ARMC7: variants seen among roughly 807,000 people sequenced by gnomAD.
ARMC7 encodes armadillo repeat-containing protein 7.
A neutral mutation model predicts 14.8 loss-of-function variants in ARMC7; 9 were observed. That is an observed-to-expected ratio of 0.61 (90% CI 0.37 to 1.06). ARMC7 has a LOEUF of 1.06. ARMC7 is among the 50% of genes least tolerant of loss of function. ARMC7 has a pLI of 0.01. For missense variants in ARMC7, 262 were observed against 267.1 expected (o/e 0.98, Z 0.13); for synonymous variants, 125 against 123.4 (o/e 1.01, Z -0.09).
rs571732714 is a variant in ARMC7, at chr17:75,117,790, C to T, written c.235+7184C>T. Among the ~76,000 whole-genome samples the T allele has an allele frequency of 1.3e-5, 2 of 152,184 alleles. 1 individual carries two copies. The highest frequency in any genetic ancestry group is 4.1e-4 in the South Asian group (2 of 4,824). On this transcript the variant is annotated intron_variant, in intron 2 of 2. Coordinates refer to ENST00000245543, the MANE Select transcript of ARMC7 (RefSeq NM_024585.4). ...CCAGGGGAATTGTTTGTTGAGGGTC[C>T]AGATTTCTGAAAAGCAACTCAAGGA... is the stretch of plus-strand genomic sequence containing the variant.
chr17:75,120,724 G>C (rs1308456693), intron 2 of ARMC7, among the ~76,000 whole-genome samples: 7 of 148,534 alleles, frequency 4.7e-5, no homozygotes. Flanking sequence ...TGAGGCAGGA[G>C]AATCACTTGA....
At chr17:75,113,916 C>A (rs76984585) in intron 2 of ARMC7, among the ~76,000 whole-genome samples, 2 of 152,126 alleles carry the variant, frequency 1.3e-5, no homozygotes, top group Non-Finnish European at 2.9e-5. Flanking sequence ...GCCGTGGGAG[C>A]AGGTTTAGGG....
chr17:75,125,801 G>A (rs1286172525), intron 2 of ARMC7, among the ~76,000 whole-genome samples: 3 of 152,100 alleles, frequency 2.0e-5, no homozygotes, highest in Admixed American at 6.6e-5. Flanking sequence ...CCGAGATCGC[G>A]CCACTTCACT....
chr17:75,118,122 C>CA (rs572926779), intron 2 of ARMC7, among the ~76,000 whole-genome samples: 11,776 of 112,454 alleles, frequency 0.1, 704 homozygotes, highest in African/African-American at 0.18. Context: ...AAGACTGTCT[C>CA]AAAAAAAAAA....
intron 2 of ARMC7, among the ~76,000 whole-genome samples, chr17:75,124,762 G>A (rs990819003): frequency 3.3e-5 from 5 of 151,704 alleles, no homozygotes; most frequent in East Asian, 1.9e-4. Context: ...TCTCTTTAGC[G>A]TTTTGGGCAG....
At chr17:75,122,220 C>T (rs1457435955) in intron 2 of ARMC7, among the ~76,000 whole-genome samples, 2 of 151,730 alleles carry the variant, frequency 1.3e-5, no homozygotes, top group Non-Finnish European at 2.9e-5. Context: ...CCTGTAATCC[C>T]AGCTACTCGG....
At position 75,129,342 on chromosome 17, in the gene ARMC7, C is replaced by A; in HGVS notation, c.*304C>A. 1 of 466,314 alleles carries A rather than the reference C, an allele frequency of 2.1e-6. No individual in the cohort carries two copies. Among genetic ancestry groups the A allele is most frequent in the Non-Finnish European group, 3.8e-6 (1 of 260,766 alleles). 28.9% of individuals were successfully genotyped at this position (466,314 alleles called of 1,614,324 possible). A position where few individuals can be genotyped will look rare whatever the true frequency, so the allele number is the denominator to read the frequency against. On this transcript the variant is annotated 3_prime_UTR_variant, in exon 3 of 3. Coordinates refer to ENST00000245543, the MANE Select transcript of ARMC7 (RefSeq NM_024585.4). ...TGTAAGAAGCGGCCAAGTGCCTGGA[C>A]CCAGAGGCTTTGCAGGACAGTGTTC...
Position 75,129,730 on chromosome 17 carries a change from G to C in ARMC7, c.*692G>C, listed in dbSNP as rs1250358063. The stretch of plus-strand genomic sequence containing the variant: ...GTGGCCATCGGGCATCAAGCACAAG[G>C]CCATGCAGGTGATGATACGTCGGAA... On this transcript the variant is annotated 3_prime_UTR_variant, in exon 3 of 3. Transcript: ENST00000245543. 6.6e-6 allele frequency: 1 copy of C among 152,574 alleles called. No homozygotes were observed. The highest frequency in any genetic ancestry group is 1.5e-5 in the Non-Finnish European group (1 of 68,320). 9.5% of individuals were successfully genotyped at this position (152,574 alleles called of 1,614,324 possible).
At position 75,110,643 on chromosome 17, in the gene ARMC7, G is replaced by A. The variant is rs546837165; in HGVS notation, c.235+37G>A. On this transcript the variant is annotated intron_variant, in intron 2 of 2. Transcript: ENST00000245543. ...GCCCGTTCCCTAGATGCCTAAATGG[G>A]CCAGGGTGAGATAAGTGAATTAGAA... The A allele has an allele frequency of 7.4e-6, 12 of 1,611,864 alleles. 1 individual carries two copies. The highest frequency in any genetic ancestry group is 3.3e-5 in the South Asian group (3 of 90,952).
At position 75,129,042 on chromosome 17, in the gene ARMC7, A is replaced by G. The variant is rs753915963; in HGVS notation, c.*4A>G. 1 of 1,590,978 alleles carries G rather than the reference A, an allele frequency of 6.3e-7. No individual in the cohort carries two copies. Among genetic ancestry groups the G allele is most frequent in the Non-Finnish European group, 8.5e-7 (1 of 1,174,868 alleles). The stretch of plus-strand genomic sequence containing the variant: ...CGTGGCCCCACGGCAGCGCTGATCC[A>G]TGGAGACTGCGAGACCGTGGCACCC... On this transcript the variant is annotated 3_prime_UTR_variant, in exon 3 of 3. Transcript: ENST00000245543.
Position 75,110,233 on chromosome 17 carries a change from C to G in ARMC7, c.-56C>G. 6.6e-7 allele frequency: 1 copy of G among 1,509,412 alleles called. No homozygotes were observed. The highest frequency in any genetic ancestry group is 8.9e-7 in the Non-Finnish European group (1 of 1,123,258). 93.5% of individuals were successfully genotyped at this position (1,509,412 alleles called of 1,614,324 possible). ...GGGTGAGGGTCTCGCTCGGCTTTCC[C>G]CCTGCACCTTTCCCACCCTCCCGCC... On this transcript the variant is annotated 5_prime_UTR_variant, in exon 1 of 3. Transcript: ENST00000245543.
intron 1 of ARMC7, 31 bp from the exon 2 acceptor site, chr17:75,110,432 A>T (rs1420346039): frequency 7.4e-6 from 12 of 1,614,000 alleles, no homozygotes; most frequent in Non-Finnish European, 1.0e-5. Flanking sequence ...CGCCGCCCGG[A>T]CCTGGCTTCA....
rs573939735 is a variant in ARMC7, at chr17:75,126,684, C to A, written c.236-1993C>A. 9.2e-4 allele frequency among the ~76,000 whole-genome samples: 140 copies of A among 151,836 alleles called. 1 individual carries two copies. The South Asian group carries it at 0.011, about 12-fold the overall frequency. ...GCAACCTCAGCCTCCTGGGTTCAAG[C>A]AACTCTCCTGCCTAAGCCTCCCTAG... On this transcript the variant is annotated intron_variant, in intron 2 of 2. Coordinates refer to ENST00000245543, the MANE Select transcript of ARMC7 (RefSeq NM_024585.4).
At chr17:75,116,776 C>T (rs1278960071) in intron 2 of ARMC7, among the ~76,000 whole-genome samples, 1 of 152,210 alleles carries the variant, frequency 6.6e-6, no homozygotes, top group Non-Finnish European at 1.5e-5. Flanking sequence ...CCAAATTGCT[C>T]ATTTTATCAA....
At chr17:75,126,071 G>A (rs1040833883) in intron 2 of ARMC7, among the ~76,000 whole-genome samples, 1 of 152,168 alleles carries the variant, frequency 6.6e-6, no homozygotes, top group African/African-American at 2.4e-5. Flanking sequence ...GGGGAAGTGG[G>A]TAGAGCTGTG....
chr17:75,122,779 C>T (rs926008921), intron 2 of ARMC7, among the ~76,000 whole-genome samples: 1 of 151,758 alleles, frequency 6.6e-6, no homozygotes, highest in Non-Finnish European at 1.5e-5. Flanking sequence ...CCCATTCTCA[C>T]GGAGTTTATA....
intron 2 of ARMC7, among the ~76,000 whole-genome samples, chr17:75,121,993 G>A (rs1023323765): frequency 3.9e-5 from 6 of 152,018 alleles, no homozygotes; most frequent in Admixed American, 1.3e-4. Flanking sequence ...TAATGGTGTC[G>A]TTTGATGAGT....
At chr17:75,123,182 G>A (rs1052879651) in intron 2 of ARMC7, among the ~76,000 whole-genome samples, 1 of 150,572 alleles carries the variant, frequency 6.6e-6, no homozygotes, top group Non-Finnish European at 1.5e-5. Context: ...GGGACTACAG[G>A]GACACACCAT....
chr17:75,113,361 A>AT (rs35928626), intron 2 of ARMC7, among the ~76,000 whole-genome samples: 1,973 of 138,090 alleles, frequency 0.014, 41 homozygotes, highest in African/African-American at 0.044. Context: ...TTATTTATTT[A>AT]TTTTTTTTTT....
Sources: gnomAD v4.1 joint callset for allele counts (sites outside exome capture counted in the v4.1 genomes callset) on GRCh38, gnomAD v4.1.1 for gene constraint, MANE v1.5 for transcripts, NCBI Gene and HGNC (gene_info 2026-07-23, HGNC 2026-07-21) for gene names.